The following NRROS variants were observed in gnomAD, a reference collection of about 807,000 sequenced individuals.
The protein encoded by NRROS is negative regulator of reactive oxygen species.
A neutral mutation model predicts 12.0 loss-of-function variants in NRROS; 6 were observed. That is an observed-to-expected ratio of 0.50 (90% CI 0.27 to 0.98). NRROS has a LOEUF of 0.98. Among genes scored for constraint, NRROS ranks in the 50% least tolerant of loss-of-function variants. The probability of loss-of-function intolerance (pLI) is 0.11; values close to 1 mark genes in which losing one functional copy is unlikely to be tolerated. For missense variants in NRROS, 857 were observed against 888.2 expected (o/e 0.96, Z 0.45); for synonymous variants, 462 against 410.2 (o/e 1.13, Z -1.53).
Position 196,654,451 on chromosome 3 carries a change from T to C in NRROS, c.-13-76T>C. On this transcript the variant is annotated intron_variant, in intron 1 of 2. Coordinates refer to ENST00000328557, the MANE Select transcript of NRROS (RefSeq NM_198565.3). The surrounding 1 kb of genome is among the most constrained non-coding windows in gnomAD (Gnocchi z 4.4). The stretch of plus-strand genomic sequence containing the variant: ...AAGACCACATAGAATTGGAACTGGC[T>C]CCTTCTGCCGATAATACAAACAGCC... 1 of 866,794 alleles carries C rather than the reference T, an allele frequency of 1.2e-6. No homozygotes were observed. Among genetic ancestry groups the C allele is most frequent in the Non-Finnish European group, 2.0e-6 (1 of 500,270 alleles). The allele number at this position is 866,794 out of a possible 1,614,324, so 53.7% of individuals were successfully genotyped here.
chr3:196,640,897 T>G lies in NRROS; in HGVS notation c.-14+1022T>G, dbSNP rs114705589. On this transcript the variant is annotated intron_variant, in intron 1 of 2. Coordinates refer to ENST00000328557, the MANE Select transcript of NRROS (RefSeq NM_198565.3). ...CATGATGGGCACAGCCCGTTAGGAG[T>G]CTGGGTGCTAGAAACATTCAGCGTC... Among the ~76,000 whole-genome samples the G allele has an allele frequency of 5.8e-3, 874 of 151,968 alleles. 10 individuals are homozygous for G. Among genetic ancestry groups the G allele is most frequent in the African/African-American group, 0.02 (836 of 41,430 alleles).
At chr3:196,653,238 A>T (rs1420040107) in intron 1 of NRROS, among the ~76,000 whole-genome samples, 2 of 152,086 alleles carry the variant, frequency 1.3e-5, no homozygotes, top group African/African-American at 4.8e-5. Flanking sequence ...TCTGCATTGG[A>T]GGTTCTCTCT....
intron 1 of NRROS, among the ~76,000 whole-genome samples, chr3:196,647,419 G>C (rs777912109): frequency 2.0e-5 from 3 of 152,206 alleles, no homozygotes; most frequent in Non-Finnish European, 2.9e-5. Flanking sequence ...CACAAGCTCT[G>C]AATTCACACA....
intron 1 of NRROS, among the ~76,000 whole-genome samples, chr3:196,644,956 C>A (rs1173836789): frequency 6.6e-6 from 1 of 150,960 alleles, no homozygotes; most frequent in African/African-American, 2.4e-5. Flanking sequence ...ATAGCAAGAC[C>A]TCTAAAAAAA....
rs1340768601 is a variant in NRROS at position 196,649,717 on chromosome 3, G to A, written c.-13-4810G>A. On this transcript the variant is annotated intron_variant, in intron 1 of 2. Transcript: ENST00000328557. ...CGATCTCCTGACCTCGTGATCACCC[G>A]CCTCGGCCTCCCAAAGTGCTGGGAT... 2.0e-5 allele frequency among the ~76,000 whole-genome samples: 3 copies of A among 152,142 alleles called. No individual in the cohort carries two copies. In the East Asian group the frequency reaches 5.8e-4, roughly 29 times the overall value.
chr3:196,644,769 C>CAAAAA (rs57304721), intron 1 of NRROS, among the ~76,000 whole-genome samples: 6 of 109,204 alleles, frequency 5.5e-5, no homozygotes, highest in Non-Finnish European at 7.2e-5. Flanking sequence ...GAGACTCTGT[C>CAAAAA]AAAAAAAAAA....
chr3:196,658,923 T>C (rs929522581), intron 2 of NRROS, among the ~76,000 whole-genome samples: 6 of 151,910 alleles, frequency 3.9e-5, no homozygotes, highest in Non-Finnish European at 5.9e-5. Context: ...TGAGCTGAGA[T>C]CACACCATTG....
At chr3:196,641,284 G>A (rs1267453733) in intron 1 of NRROS, among the ~76,000 whole-genome samples, 1 of 152,132 alleles carries the variant, frequency 6.6e-6, no homozygotes, top group Non-Finnish European at 1.5e-5. Context: ...CACGATCACA[G>A]ATCACTGCAG....
rs757645183 is a variant in NRROS, at chr3:196,661,304, T to C, written c.1661T>C (p.Phe554Ser). 5 of 1,608,524 alleles carry C rather than the reference T, an allele frequency of 3.1e-6. No individual in the cohort carries two copies. The Admixed American group carries it at 5.1e-5, about 16-fold the overall frequency. Residue 554 changes from phenylalanine to serine, a missense_variant, in exon 3 of 3, where the codon TTT becomes TCT. Phe to Ser is a radical substitution (Grantham distance 155). Transcript: ENST00000328557. ...SGNCLTTFPR[F>S]GGSLALETLD... ...AATTGCTTGACCACCTTCCCAAGGT[T>C]TGGGGGCAGCCTGGCCCTGGAGACC...
At chr3:196,650,452 A>AT (rs142721175) in intron 1 of NRROS, among the ~76,000 whole-genome samples, 32 of 150,742 alleles carry the variant, frequency 2.1e-4, no homozygotes, top group Non-Finnish European at 3.2e-4. Context: ...CCATTTTTGT[A>AT]TTTTTTTTAG....
rs773212487 is a variant in NRROS, at chr3:196,661,275, G to C, written c.1632G>C (p.Ser544=). ...GGAATCTCAGGGACTTAGATCTGTCGGGGAATTGCTTGACCACCTTCCCAA... is the reference window on the plus strand; with the variant it reads ...GGAATCTCAGGGACTTAGATCTGTCCGGGAATTGCTTGACCACCTTCCCAA... ...GFGNLRDLDL[S]GNCLTTFPRF... Residue 544 remains serine (S), a synonymous_variant, in exon 3 of 3, where the codon TCG becomes TCC. Transcript: ENST00000328557. 5 of 1,613,432 alleles carry C rather than the reference G, an allele frequency of 3.1e-6. No individual in the cohort carries two copies. The highest frequency in any genetic ancestry group is 1.7e-5 in the Admixed American group (1 of 59,888).
intron 1 of NRROS, among the ~76,000 whole-genome samples, chr3:196,646,003 G>A (rs1481255162): frequency 6.6e-6 from 1 of 152,254 alleles, no homozygotes; most frequent in African/African-American, 2.4e-5. Context: ...TCCAGTGGGG[G>A]CGTGTCCTCC....
At chr3:196,659,450 G>C (rs1737613527) in intron 2 of NRROS, among the ~76,000 whole-genome samples, 1 of 151,862 alleles carries the variant, frequency 6.6e-6, no homozygotes. Context: ...TGGGATTACA[G>C]GTGTCCACCA....
At chr3:196,656,900 A>G (rs181261040) in intron 2 of NRROS, among the ~76,000 whole-genome samples, 25 of 152,086 alleles carry the variant, frequency 1.6e-4, no homozygotes, top group African/African-American at 5.5e-4. Flanking sequence ...TATCCATTTG[A>G]CCTTATTAGA....
In NRROS at chr3:196,659,947, C is replaced by G. The variant is rs1221658800; in HGVS notation, c.304C>G (p.Gln102Glu). Residue 102 changes from glutamine to glutamate, a missense_variant, in exon 3 of 3, where the codon CAG becomes GAG. By Grantham distance (29) the Gln-to-Glu change is conservative. Coordinates refer to ENST00000328557, the MANE Select transcript of NRROS (RefSeq NM_198565.3). The stretch of plus-strand genomic sequence containing the variant: ...GGAGCGCATCAGCCGCGGCGCCTTC[C>G]AGGAGCAAGGTCACCTGCGCAGCCT... ...HLERISRGAF[Q>E]EQGHLRSLVL... 1 of 1,614,066 alleles carries G rather than the reference C, an allele frequency of 6.2e-7. No homozygotes were observed. Among genetic ancestry groups the G allele is most frequent in the East Asian group, 2.2e-5 (1 of 44,876 alleles).
intron 1 of NRROS, among the ~76,000 whole-genome samples, chr3:196,641,384 T>A (rs759640191): frequency 6.6e-6 from 1 of 151,988 alleles, no homozygotes; most frequent in Non-Finnish European, 1.5e-5. Flanking sequence ...AGCTAATTTT[T>A]AAAATTTTTT....
intron 2 of NRROS, among the ~76,000 whole-genome samples, chr3:196,658,848 T>C (rs749413136): frequency 1.3e-5 from 2 of 152,126 alleles, no homozygotes; most frequent in South Asian, 2.1e-4. Flanking sequence ...CATGTGCCTG[T>C]AATCCCAGCT....
At chr3:196,644,035 C>T (rs1387608592) in intron 1 of NRROS, among the ~76,000 whole-genome samples, 1 of 152,242 alleles carries the variant, frequency 6.6e-6, no homozygotes, top group Non-Finnish European at 1.5e-5. Flanking sequence ...CCTGAGACCT[C>T]CTCATGGGCC....
chr3:196,657,828 C>T lies in NRROS; in HGVS notation c.109-1924C>T, dbSNP rs149801357. On this transcript the variant is annotated intron_variant, in intron 2 of 2. Coordinates refer to ENST00000328557, the MANE Select transcript of NRROS (RefSeq NM_198565.3). The stretch of plus-strand genomic sequence containing the variant: ...AAAGAACTTGGCAAATCCTTTCTAA[C>T]GTTCGTCTGGAAATTAGAGAAACCC... Among the ~76,000 whole-genome samples the T allele has an allele frequency of 4.9e-4, 74 of 152,060 alleles. 1 individual carries two copies. The highest frequency in any genetic ancestry group is 8.4e-4 in the African/African-American group (35 of 41,498).
Sources: allele counts gnomAD v4.1 joint callset (sites outside exome capture counted in the v4.1 genomes callset), GRCh38; gene constraint gnomAD v4.1.1; non-coding constraint Gnocchi (gnomAD v3.1); transcripts MANE v1.5; gene names NCBI Gene and HGNC (gene_info 2026-07-23, HGNC 2026-07-21).